PRUNE1: variants seen among roughly 807,000 people sequenced by gnomAD.
PRUNE1 encodes the protein exopolyphosphatase PRUNE1.
A neutral mutation model predicts 42.5 loss-of-function variants in PRUNE1; 25 were observed. The ratio of observed to expected loss-of-function variants is 0.59; its 90% CI spans 0.43 to 0.82. The LOEUF (loss-of-function observed/expected upper bound fraction) is 0.82, where lower values mean the gene tolerates loss of function less well. Among genes scored for constraint, PRUNE1 ranks in the 40% least tolerant of loss-of-function variants. The pLI is 0.00. For missense variants in PRUNE1, 443 were observed against 539.3 expected (o/e 0.82, Z 1.77); for synonymous variants, 203 against 217.1 (o/e 0.93, Z 0.57).
chr1:151,026,449 A>C (rs1320553131), intron 5 of PRUNE1, among the ~76,000 whole-genome samples: 1 of 151,488 alleles, frequency 6.6e-6, no homozygotes, highest in Non-Finnish European at 1.5e-5. Flanking sequence ...CGACAGCGAA[A>C]CTCCGTCTCA....
intron 6 of PRUNE1, 37 bp from the exon 7 acceptor site, chr1:151,028,749 G>T: frequency 6.3e-7 from 1 of 1,599,910 alleles, no homozygotes; most frequent in Non-Finnish European, 8.5e-7. Context: ...ATGATGATGA[G>T]AAAGTCCTTC....
At chr1:151,023,116 C>G (rs78489446) in intron 3 of PRUNE1, among the ~76,000 whole-genome samples, 1 of 152,110 alleles carries the variant, frequency 6.6e-6, no homozygotes, top group African/African-American at 2.4e-5. Context: ...ATAGGCCCTT[C>G]TAAGGTGATT....
At chr1:151,026,209 C>T (rs1674827211) in intron 5 of PRUNE1, among the ~76,000 whole-genome samples, 1 of 151,680 alleles carries the variant, frequency 6.6e-6, no homozygotes, top group Non-Finnish European at 1.5e-5. Context: ...GTAATCCCAA[C>T]ACTTTGGGAG....
chr1:151,026,857 T>TTTC (rs1674870867), intron 5 of PRUNE1, among the ~76,000 whole-genome samples: 1 of 150,632 alleles, frequency 6.6e-6, no homozygotes, highest in African/African-American at 2.4e-5. Context: ...CTTTTTTTTT[T>TTTC]TTTTTTTTGA....
In PRUNE1 at chr1:151,025,525, C is replaced by T; in HGVS notation, c.531C>T (p.Ile177=). ...QTAALLHGTI[I]LDCVNMDLKI... ...CTCCCTTCTCCACAGGAACCATCAT[C>T]CTGGACTGTGTCAACATGGACCTTA... The change falls in exon 5 of 8, where the codon ATC becomes ATT. Residue 177 remains isoleucine (I), a synonymous_variant. Transcript: ENST00000271620. 1 of 1,613,886 alleles carries T rather than the reference C, an allele frequency of 6.2e-7. No homozygotes were observed. Among genetic ancestry groups the T allele is most frequent in the Non-Finnish European group, 8.5e-7 (1 of 1,179,908 alleles).
In PRUNE1 at chr1:151,025,800, G is replaced by A. The variant is rs1049076961; in HGVS notation, c.679+127G>A. On this transcript the variant is annotated intron_variant, in intron 5 of 7. Transcript: ENST00000271620. Reference sequence around the variant, plus strand: ...CTGCCACCCAGGCTAGAGTGCAGTGGCACAATCTTGGCACACTGCAACCTC... The same window carrying A: ...CTGCCACCCAGGCTAGAGTGCAGTGACACAATCTTGGCACACTGCAACCTC... 6.4e-6 allele frequency: 6 copies of A among 943,984 alleles called. No individual in the cohort carries two copies. The African/African-American group carries it at 8.5e-5, about 13-fold the overall frequency. The allele number at this position is 943,984 out of a possible 1,614,324, so 58.5% of individuals were successfully genotyped here. A position where few individuals can be genotyped will look rare whatever the true frequency, so the allele number is the denominator to read the frequency against.
intron 1 of PRUNE1, among the ~76,000 whole-genome samples, chr1:151,014,587 C>A (rs1347486072): frequency 1.3e-5 from 2 of 152,124 alleles, no homozygotes; most frequent in African/African-American, 4.8e-5. Context: ...TCCCTAGATT[C>A]CCTTTTTTTC....
chr1:151,034,000 A>G lies in PRUNE1; in HGVS notation c.1128A>G (p.Ala376=). 1 of 1,614,108 alleles carries G rather than the reference A, an allele frequency of 6.2e-7. No individual in the cohort carries two copies. The highest frequency in any genetic ancestry group is 1.1e-5 in the South Asian group (1 of 91,086). ...TCCCTTCAGGACAGCCTGAGACAGC[A>G]GATGTGTCCAGGGAGCAAGTGGACA... ...MKIPSGQPET[A]DVSREQVDKE... Residue 376 remains alanine, a synonymous_variant, in exon 8 of 8, where the codon GCA becomes GCG. Coordinates refer to ENST00000271620, the MANE Select transcript of PRUNE1 (RefSeq NM_021222.3).
At chr1:151,020,316 T>C (rs868146757) in intron 3 of PRUNE1, among the ~76,000 whole-genome samples, 17 of 151,890 alleles carry the variant, frequency 1.1e-4, no homozygotes, top group African/African-American at 4.1e-4. Flanking sequence ...CCAGGTGTGG[T>C]AGTGCATGCC....
intron 7 of PRUNE1, 84 bp downstream of exon 7, chr1:151,029,028 G>A: frequency 2.2e-6 from 3 of 1,389,240 alleles, no homozygotes; most frequent in Non-Finnish European, 2.0e-6. Context: ...GTCCTATAAG[G>A]ACCTCTCTTA....
intron 3 of PRUNE1, among the ~76,000 whole-genome samples, chr1:151,018,936 G>A (rs1162454924): frequency 1.3e-5 from 2 of 152,190 alleles, no homozygotes; most frequent in Admixed American, 6.5e-5. Flanking sequence ...CCAGCTACTT[G>A]GGAGGCTGAG....
At chr1:151,016,985 A>AC (rs1281852880) in intron 1 of PRUNE1, among the ~76,000 whole-genome samples, 1 of 147,070 alleles carries the variant, frequency 6.8e-6, no homozygotes, top group East Asian at 2.1e-4. Flanking sequence ...ACATGGAGAA[A>AC]CCCCATCTCT....
At chr1:151,031,189 G>A (rs1338242532) in intron 7 of PRUNE1, among the ~76,000 whole-genome samples, 1 of 126,904 alleles carries the variant, frequency 7.9e-6, no homozygotes, top group African/African-American at 3.8e-5. Flanking sequence ...GTGTGTGTGT[G>A]TGTGTTTTTT....
rs368600960 is a variant in PRUNE1, at chr1:151,026,382, C to T, written c.679+709C>T. ...CTGAGGCAGGAAAATCGCTTGAACC[C>T]GGGAAGTGGAGGTTGCAGTGAGCCG... On this transcript the variant is annotated intron_variant, in intron 5 of 7. Transcript: ENST00000271620. Among the ~76,000 whole-genome samples the T allele has an allele frequency of 2.6e-4, 40 of 151,720 alleles. No homozygotes were observed. The South Asian group carries it at 5.6e-3, about 21-fold the overall frequency.
At chr1:151,030,234 T>C (rs1675155981) in intron 7 of PRUNE1, among the ~76,000 whole-genome samples, 1 of 136,466 alleles carries the variant, frequency 7.3e-6, no homozygotes, top group Non-Finnish European at 1.5e-5. Flanking sequence ...CTGTACTCCA[T>C]CCTGCCAACA....
intron 2 of PRUNE1, 67 bp downstream of exon 2, chr1:151,017,971 C>G (rs1674204872): frequency 1.8e-5 from 20 of 1,105,862 alleles, no homozygotes; most frequent in Non-Finnish European, 1.2e-5. Flanking sequence ...ATTCAAGACC[C>G]AGCTCTACCA....
intron 7 of PRUNE1, among the ~76,000 whole-genome samples, chr1:151,029,590 A>T (rs1482123825): frequency 6.6e-6 from 1 of 151,382 alleles, no homozygotes; most frequent in Non-Finnish European, 1.5e-5. Context: ...GATAGTCTCG[A>T]TCTCCTGACC....
intron 1 of PRUNE1, 41 bp from the exon 2 acceptor site, chr1:151,017,771 A>C: frequency 4.1e-4 from 503 of 1,230,388 alleles, no homozygotes; most frequent in Non-Finnish European, 5.3e-4. Flanking sequence ...GGAAATGAAT[A>C]GAGATACTTT....
Position 151,034,821 on chromosome 1 carries a change from TTG to T in PRUNE1, c.*590_*591del, listed in dbSNP as rs1675460873. On this transcript the variant is annotated 3_prime_UTR_variant, in exon 8 of 8. Transcript: ENST00000271620. ...TGGCTGAATTTCTATTCTTAGCTTA[TTG>T]TGACTGTTTCAGATCTAGTTTGGGA... 1.3e-5 allele frequency: 2 copies of T among 157,482 alleles called. No homozygotes were observed. Among genetic ancestry groups the T allele is most frequent in the Admixed American group, 6.0e-5 (1 of 16,700 alleles). 9.8% of individuals were successfully genotyped at this position (157,482 alleles called of 1,614,324 possible).
Sources: allele counts gnomAD v4.1 joint callset (sites outside exome capture counted in the v4.1 genomes callset), GRCh38; gene constraint gnomAD v4.1.1; transcripts MANE v1.5; gene names NCBI Gene and HGNC (gene_info 2026-07-23, HGNC 2026-07-21).